The following SCGN variants were observed in gnomAD, a reference collection of about 807,000 sequenced individuals.
The protein encoded by SCGN is secretagogin, EF-hand calcium binding protein.
SCGN carries 30 observed loss-of-function variants against 39.7 expected under a neutral mutation model. The ratio of observed to expected loss-of-function variants is 0.76; its 90% confidence interval spans 0.57 to 1.03. The LOEUF is 1.03. SCGN is among the 50% of genes least tolerant of loss of function. The pLI, the probability that SCGN is intolerant of heterozygous loss-of-function variation, is 0.00. For synonymous variants in SCGN, 106 were observed against 114.1 expected (o/e 0.93, Z 0.45); for missense variants, 353 against 349.4 (o/e 1.01, Z -0.08).
chr6:25,665,109 C>A, intron 4 of SCGN, 77 bp downstream of exon 4: 1 of 1,098,442 alleles, frequency 9.1e-7, no homozygotes, highest in Non-Finnish European at 1.4e-6. Flanking sequence ...CTGTGGCTGC[C>A]ACCACTCCTG....
At chr6:25,689,150 A>ATTTTTTTTT in intron 7 of SCGN, 22 bp from the exon 8 acceptor site, 15 of 1,271,532 alleles carry the variant, frequency 1.2e-5, no homozygotes, top group Non-Finnish European at 1.4e-5. Flanking sequence ...CCTTACGTGG[A>ATTTTTTTTT]TTTTTTTTTT....
rs1345497555 is a variant in SCGN, at chr6:25,670,142, CAG to C, written c.471+67_471+68del. 4 of 1,096,888 alleles carry C rather than the reference CAG, an allele frequency of 3.6e-6. No homozygotes were observed. In the African/African-American group the frequency reaches 4.6e-5, roughly 13 times the overall value. 67.9% of individuals were successfully genotyped at this position (1,096,888 alleles called of 1,614,324 possible). A position where few individuals can be genotyped will look rare whatever the true frequency, so the allele number is the denominator to read the frequency against. The stretch of plus-strand genomic sequence containing the variant: ...CCACTCCCTCCCCAGACCCCAGAAA[CAG>C]TGTCTGCTAGAGAGTTCGTCCTTGA... On this transcript the variant is annotated intron_variant, in intron 6 of 10. Transcript: ENST00000377961.
At chr6:25,688,628 C>T (rs961059610) in intron 7 of SCGN, among the ~76,000 whole-genome samples, 4 of 152,072 alleles carry the variant, frequency 2.6e-5, no homozygotes, top group South Asian at 2.1e-4. Flanking sequence ...GGTGAAACCC[C>T]GTCTCTACTA....
At chr6:25,672,678 G>A (rs1759516587) in intron 6 of SCGN, among the ~76,000 whole-genome samples, 1 of 152,164 alleles carries the variant, frequency 6.6e-6, no homozygotes, top group African/African-American at 2.4e-5. Context: ...GAGGACTTGG[G>A]GTTTTAGTGA....
intron 7 of SCGN, among the ~76,000 whole-genome samples, chr6:25,686,170 T>C (rs1759702867): frequency 6.6e-6 from 1 of 152,204 alleles, no homozygotes. Flanking sequence ...TTAGAGATTA[T>C]GAATAACGTT....
rs565221219 is a variant in SCGN at position 25,675,960 on chromosome 6, A to T, written c.471+5884A>T. On this transcript the variant is annotated intron_variant, in intron 6 of 10. Transcript: ENST00000377961. ...CACTTAGTTGTGTATCTCCACTTGA[A>T]TTGCATGCCTAATATACACCTTCAA... Among the ~76,000 whole-genome samples, 5 of 152,298 alleles carry T rather than the reference A, an allele frequency of 3.3e-5. No individual in the cohort carries two copies. The South Asian group carries it at 6.2e-4, about 19-fold the overall frequency.
intron 2 of SCGN, among the ~76,000 whole-genome samples, chr6:25,656,686 A>G (rs549174560): frequency 6.6e-6 from 1 of 152,308 alleles, no homozygotes; most frequent in East Asian, 1.9e-4. Context: ...ATGGGAAATT[A>G]CAACAGAGGA....
intron 10 of SCGN, among the ~76,000 whole-genome samples, chr6:25,695,909 A>G (rs183161163): frequency 3.1e-4 from 47 of 152,340 alleles, no homozygotes; most frequent in African/African-American, 1.1e-3. Context: ...TAAATGAGAA[A>G]GTAGAATGGC....
intron 4 of SCGN, among the ~76,000 whole-genome samples, chr6:25,667,876 G>T (rs1760448139): frequency 6.6e-6 from 1 of 152,164 alleles, no homozygotes; most frequent in East Asian, 1.9e-4. Context: ...ATTGATTGGA[G>T]AATGGCACTT....
intron 4 of SCGN, among the ~76,000 whole-genome samples, chr6:25,666,177 T>TAAAAAAAA (rs59692433): frequency 8.0e-6 from 1 of 124,588 alleles, no homozygotes; most frequent in African/African-American, 3.0e-5. Flanking sequence ...CCATCTCTAC[T>TAAAAAAAA]AAAAAAAAAA....
chr6:25,679,563 G>A (rs1251295587), intron 6 of SCGN, among the ~76,000 whole-genome samples: 1 of 152,178 alleles, frequency 6.6e-6, no homozygotes, highest in Admixed American at 6.5e-5. Context: ...ATGGAGCTCA[G>A]GCTGTGACCA....
At position 25,652,264 on chromosome 6, in the gene SCGN, G is replaced by A; in HGVS notation, c.-140G>A. On this transcript the variant is annotated 5_prime_UTR_variant, in exon 1 of 11. Coordinates refer to ENST00000377961, the MANE Select transcript of SCGN (RefSeq NM_006998.4). ...CGACGCCACGGCCAGCAGCGCTCGCGTCCTCCCCAGCAACAGTTACTCAAA... is the reference window on the plus strand; with the variant it reads ...CGACGCCACGGCCAGCAGCGCTCGCATCCTCCCCAGCAACAGTTACTCAAA... 1.4e-6 allele frequency: 1 copy of A among 694,148 alleles called. No homozygotes were observed. The highest frequency in any genetic ancestry group is 1.8e-5 in the South Asian group (1 of 57,012). 43.0% of individuals were successfully genotyped at this position (694,148 alleles called of 1,614,324 possible).
chr6:25,680,394 A>G (rs1004334148), intron 6 of SCGN, among the ~76,000 whole-genome samples: 2 of 152,214 alleles, frequency 1.3e-5, no homozygotes, highest in African/African-American at 4.8e-5. Flanking sequence ...ACACTCAGAG[A>G]TGGAAAAATT....
intron 2 of SCGN, among the ~76,000 whole-genome samples, chr6:25,655,164 T>G (rs2151376341): frequency 6.6e-6 from 1 of 152,306 alleles, no homozygotes; most frequent in Middle Eastern, 3.4e-3. Context: ...GTTAAAACCA[T>G]TCAAAATCTT....
At chr6:25,665,991 A>T (rs904962447) in intron 4 of SCGN, among the ~76,000 whole-genome samples, 1 of 150,566 alleles carries the variant, frequency 6.6e-6, no homozygotes, top group Admixed American at 6.7e-5. Flanking sequence ...TTCAGTCAGG[A>T]TCCTTTAAAA....
At chr6:25,675,096 A>G (rs1363816475) in intron 6 of SCGN, among the ~76,000 whole-genome samples, 1 of 152,252 alleles carries the variant, frequency 6.6e-6, no homozygotes, top group Non-Finnish European at 1.5e-5. Flanking sequence ...AGGCAGCAAC[A>G]GGCACAGTCC....
At chr6:25,696,576 T>C (rs1173345844) in intron 10 of SCGN, among the ~76,000 whole-genome samples, 1 of 152,222 alleles carries the variant, frequency 6.6e-6, no homozygotes, top group Non-Finnish European at 1.5e-5. Flanking sequence ...AAGATCTTTC[T>C]CTATATTTGG....
chr6:25,684,231 G>T (rs1471508344), intron 7 of SCGN, among the ~76,000 whole-genome samples: 1 of 152,150 alleles, frequency 6.6e-6, no homozygotes, highest in African/African-American at 2.4e-5. Flanking sequence ...TACTTGGGGG[G>T]ATTCAATGAG....
At position 25,701,092 on chromosome 6, in the gene SCGN, G is replaced by A. The variant is rs1459152203; in HGVS notation, c.703-115G>A. 5.1e-6 allele frequency: 6 copies of A among 1,166,856 alleles called. No homozygotes were observed. In the East Asian group the frequency reaches 1.6e-4, roughly 32 times the overall value. 72.3% of individuals were successfully genotyped at this position (1,166,856 alleles called of 1,614,324 possible). ...CGATAGACTCATTCCCTCACTCCCT[G>A]TGGCCTGTCTCCTTCAAGGCAGGAC... On this transcript the variant is annotated intron_variant, in intron 10 of 10. Transcript: ENST00000377961.
Sources: allele counts gnomAD v4.1 joint callset (sites outside exome capture counted in the v4.1 genomes callset), GRCh38; gene constraint gnomAD v4.1.1; transcripts MANE v1.5; gene names NCBI Gene and HGNC (gene_info 2026-07-23, HGNC 2026-07-21).